The following MKNK1 variants were observed in gnomAD, a reference collection of about 807,000 sequenced individuals.
MKNK1 encodes MAP kinase-interacting serine/threonine-protein kinase 1.
In MKNK1, 30 loss-of-function variants were observed where a neutral mutation model predicts 49.3. The ratio of observed to expected loss-of-function variants is 0.61; its 90% CI spans 0.46 to 0.83. The LOEUF is 0.83. Ranked by LOEUF, MKNK1 falls within the 40% of genes least tolerant of loss-of-function variation. The probability of loss-of-function intolerance (pLI) is 0.00; values close to 1 mark genes in which losing one functional copy is unlikely to be tolerated. For missense variants in MKNK1, 423 were observed against 524.7 expected, an observed-to-expected ratio of 0.81 and a Z score of 1.89; for synonymous variants, 176 against 201.7, an observed-to-expected ratio of 0.87 and a Z score of 1.08.
intron 2 of MKNK1, among the ~76,000 whole-genome samples, chr1:46,587,765 T>G (rs1672781485): frequency 6.6e-6 from 1 of 151,844 alleles, no homozygotes; most frequent in Admixed American, 6.6e-5. Flanking sequence ...TGCGGTGAAC[T>G]GAGATCGCAC....
At position 46,573,172 on chromosome 1, in the gene MKNK1, G is replaced by A. The variant is rs538462628; in HGVS notation, c.353-1005C>T. Among the ~76,000 whole-genome samples the A allele has an allele frequency of 1.1e-4, 16 of 152,328 alleles. No homozygotes were observed. In the South Asian group the frequency reaches 3.1e-3, roughly 30 times the overall value. On this transcript the variant is annotated intron_variant, in intron 6 of 12. Transcript: ENST00000371945. Reference sequence around the variant, plus strand: ...CTTGCCCAAGATTACGCACCAGTAAGGGGTGAGGCCAGGACTTAGGCCCAG... The same window carrying A: ...CTTGCCCAAGATTACGCACCAGTAAAGGGTGAGGCCAGGACTTAGGCCCAG...
At chr1:46,586,812 ATCTTT>A (rs1331096855) in intron 2 of MKNK1, among the ~76,000 whole-genome samples, 2 of 152,048 alleles carry the variant, frequency 1.3e-5, no homozygotes, top group African/African-American at 4.8e-5. Flanking sequence ...TCACTTTCTT[ATCTTT>A]TCTTTTCTTT....
At chr1:46,595,500 C>A (rs1038983017) in intron 1 of MKNK1, among the ~76,000 whole-genome samples, 1 of 152,072 alleles carries the variant, frequency 6.6e-6, no homozygotes, top group Non-Finnish European at 1.5e-5. Flanking sequence ...AAGCACTTAC[C>A]TTTTTCATCT....
At chr1:46,568,138 T>G in intron 8 of MKNK1, 1 of 239,594 alleles carries the variant, frequency 4.2e-6, no homozygotes, top group South Asian at 9.4e-5. Context: ...AAAAAAAAAG[T>G]ATTTACGACT....
intron 2 of MKNK1, among the ~76,000 whole-genome samples, chr1:46,591,462 C>A (rs1369732892): frequency 6.6e-6 from 1 of 152,136 alleles, no homozygotes; most frequent in African/African-American, 2.4e-5. Flanking sequence ...GGATCACAGG[C>A]AGCCTTCAGA....
chr1:46,575,161 A>C lies in MKNK1; in HGVS notation c.279-141T>G, dbSNP rs557520189. ...CCAACTTGAAATCAGAATGCTTATT[A>C]AAGACCCGCGTATGGAAGCAGCCAA... On this transcript the variant is annotated intron_variant, in intron 5 of 12. Coordinates refer to ENST00000371945, the MANE Select transcript of MKNK1 (RefSeq NM_001135553.4). 329 of 601,080 alleles carry C rather than the reference A, an allele frequency of 5.5e-4. 1 individual carries two copies. Among genetic ancestry groups the C allele is most frequent in the Non-Finnish European group, 8.6e-4 (296 of 342,552 alleles). The allele number at this position is 601,080 out of a possible 1,614,324, so 37.2% of individuals were successfully genotyped here.
At chr1:46,585,407 C>T (rs1267507535) in intron 2 of MKNK1, 1 of 161,596 alleles carries the variant, frequency 6.2e-6, no homozygotes, top group Non-Finnish European at 1.4e-5. Context: ...CACAGGGTCA[C>T]TCATCTTCAG....
intron 2 of MKNK1, among the ~76,000 whole-genome samples, chr1:46,592,266 G>A (rs1489120090): frequency 3.3e-5 from 5 of 152,106 alleles, no homozygotes; most frequent in Non-Finnish European, 7.4e-5. Flanking sequence ...CAAAAACCTG[G>A]GAGTACATAG....
At chr1:46,603,886 G>A (rs185941341) in intron 1 of MKNK1, among the ~76,000 whole-genome samples, 13 of 152,336 alleles carry the variant, frequency 8.5e-5, no homozygotes, top group Admixed American at 4.6e-4. Context: ...TGGACTGCCT[G>A]AGCCCTGCGC....
At chr1:46,567,712 G>A (rs960953728) in intron 8 of MKNK1, among the ~76,000 whole-genome samples, 14 of 152,278 alleles carry the variant, frequency 9.2e-5, no homozygotes, top group African/African-American at 3.1e-4. Flanking sequence ...GTATATACAC[G>A]CAGAGCTGTG....
rs766423297 is a variant in MKNK1, at chr1:46,560,273, G to C, written c.974C>G (p.Ala325Gly). ...CGGCGTGGGGAGTCCCTTTTCTGGA[G>C]CTTGCTAGAATGGGAAGGACAGATG... ...VLQHPWVQGQ[A>G]PEKGLPTPQV... The change falls in exon 12 of 13, where the codon GCT becomes GGT. Residue 325 changes from alanine to glycine, a missense_variant. Transcript: ENST00000371945. 1 of 1,614,148 alleles carries C rather than the reference G, an allele frequency of 6.2e-7. No homozygotes were observed. The highest frequency in any genetic ancestry group is 2.2e-5 in the East Asian group (1 of 44,878).
chr1:46,584,023 T>C (rs1672142733), intron 2 of MKNK1, among the ~76,000 whole-genome samples: 1 of 152,146 alleles, frequency 6.6e-6, no homozygotes, highest in Non-Finnish European at 1.5e-5. Flanking sequence ...CTGGATGAGG[T>C]CACTTATTGC....
chr1:46,603,373 A>C (rs113208610), intron 1 of MKNK1, among the ~76,000 whole-genome samples: 3,516 of 152,310 alleles, frequency 0.023, 124 homozygotes, highest in African/African-American at 0.08. Context: ...CTCTTCTCTC[A>C]GAGCCTTTCT....
At chr1:46,583,945 C>A (rs1672130847) in intron 2 of MKNK1, among the ~76,000 whole-genome samples, 1 of 152,200 alleles carries the variant, frequency 6.6e-6, no homozygotes, top group Non-Finnish European at 1.5e-5. Context: ...TCCCATAGCT[C>A]CTCCATCGGA....
rs1406974837 is a variant in MKNK1, at chr1:46,558,149, A to T, written c.*426T>A. 1 of 163,828 alleles carries T rather than the reference A, an allele frequency of 6.1e-6. No individual in the cohort carries two copies. The highest frequency in any genetic ancestry group is 1.3e-5 in the Non-Finnish European group (1 of 75,296). 10.1% of individuals were successfully genotyped at this position (163,828 alleles called of 1,614,324 possible). The stretch of plus-strand genomic sequence containing the variant: ...AGGAAGGTGGAAGGACCGCCAGAGG[A>T]GGGTGACAGAGAAGAGAGGGAAGAG... On this transcript the variant is annotated 3_prime_UTR_variant, in exon 13 of 13. Coordinates refer to ENST00000371945, the MANE Select transcript of MKNK1 (RefSeq NM_001135553.4).
intron 4 of MKNK1, among the ~76,000 whole-genome samples, chr1:46,579,508 A>G (rs1408261273): frequency 2.0e-5 from 3 of 152,212 alleles, no homozygotes; most frequent in Non-Finnish European, 4.4e-5. Flanking sequence ...TCTAACACAT[A>G]GTAGCATTCA....
At position 46,566,407 on chromosome 1, in the gene MKNK1, A is replaced by T. The variant is rs191557917; in HGVS notation, c.514-1271T>A. ...TTGTTTATCTGTTCAGCTGCTGATG[A>T]CCACTTGAGTTGTCTCTACCTTTTT... On this transcript the variant is annotated intron_variant, in intron 8 of 12. Coordinates refer to ENST00000371945, the MANE Select transcript of MKNK1 (RefSeq NM_001135553.4). 5.9e-5 allele frequency among the ~76,000 whole-genome samples: 9 copies of T among 152,332 alleles called. No individual in the cohort carries two copies. The South Asian group carries it at 1.2e-3, about 21-fold the overall frequency.
At chr1:46,603,308 A>C (rs886438514) in intron 1 of MKNK1, among the ~76,000 whole-genome samples, 3 of 152,178 alleles carry the variant, frequency 2.0e-5, no homozygotes, top group Non-Finnish European at 4.4e-5. Flanking sequence ...CCCATTCTGC[A>C]GGGTCAGTTC....
intron 1 of MKNK1, among the ~76,000 whole-genome samples, chr1:46,603,572 G>A (rs550176323): frequency 6.6e-6 from 1 of 152,310 alleles, no homozygotes; most frequent in Admixed American, 6.5e-5. Flanking sequence ...ACTTGCCCCA[G>A]GACACACAGC....
Sources: allele counts gnomAD v4.1 joint callset (sites outside exome capture counted in the v4.1 genomes callset), GRCh38; gene constraint gnomAD v4.1.1; transcripts MANE v1.5; gene names NCBI Gene and HGNC (gene_info 2026-07-23, HGNC 2026-07-21).